Variants in ESRRG observed in about 807,000 individuals in gnomAD.
ESRRG encodes estrogen-related receptor gamma.
A neutral mutation model predicts 44.0 loss-of-function variants in ESRRG; 13 were observed. That is an observed-to-expected ratio of 0.30 (90% CI 0.19 to 0.47). The LOEUF is 0.47. ESRRG is among the 20% of genes least tolerant of loss of function. The pLI is 1.00. For missense variants in ESRRG, 395 were observed against 580.6 expected, an observed-to-expected ratio of 0.68 and a Z score of 3.29; for synonymous variants, 215 against 214.6, an observed-to-expected ratio of 1.00 and a Z score of -0.02.
intron 3 of ESRRG, among the ~76,000 whole-genome samples, chr1:216,650,363 G>C (rs6700565): frequency 6.6e-6 from 1 of 152,054 alleles, no homozygotes; most frequent in South Asian, 2.1e-4. Context: ...TAGTTGAGTG[G>C]CATCTAGAAT....
intron 2 of ESRRG, among the ~76,000 whole-genome samples, chr1:216,907,178 A>T (rs1302387561): frequency 2.0e-5 from 3 of 152,070 alleles, no homozygotes; most frequent in African/African-American, 7.2e-5. Flanking sequence ...GCTGTTACTG[A>T]CTCTGGGAAA....
chr1:216,588,438 A>C (rs1350269005), intron 3 of ESRRG, among the ~76,000 whole-genome samples: 1 of 152,216 alleles, frequency 6.6e-6, no homozygotes, highest in East Asian at 1.9e-4. Flanking sequence ...CAAACATAAA[A>C]TAGAAATAAA....
chr1:216,693,213 A>G lies in ESRRG; in HGVS notation c.57-15722T>C, dbSNP rs569857272. 5.5e-4 allele frequency among the ~76,000 whole-genome samples: 84 copies of G among 152,334 alleles called. 1 individual carries two copies. The highest frequency in any genetic ancestry group is 2.0e-3 in the African/African-American group (82 of 41,572). Reference sequence around the variant, plus strand: ...TTTAGGCTCATAATACTATGAGCCTATTTCTATAATTACAGTTAACATCTT... The same window carrying G: ...TTTAGGCTCATAATACTATGAGCCTGTTTCTATAATTACAGTTAACATCTT... On this transcript the variant is annotated intron_variant, in intron 1 of 6. Transcript: ENST00000408911.
intron 1 of ESRRG, among the ~76,000 whole-genome samples, chr1:217,103,873 T>C (rs2092554424): frequency 1.3e-5 from 2 of 151,832 alleles, no homozygotes; most frequent in Admixed American, 1.3e-4. Context: ...GCAAGCAGAC[T>C]CAAGTGGCTG....
At chr1:216,701,213 CTTAACATCCT>C (rs2081331211) in intron 1 of ESRRG, among the ~76,000 whole-genome samples, 1 of 152,136 alleles carries the variant, frequency 6.6e-6, no homozygotes, top group South Asian at 2.1e-4. Flanking sequence ...AATCGCTAGA[CTTAACATCCT>C]TTAAGCAGTA....
chr1:216,743,431 A>G (rs1047391413), intron 2 of ESRRG, among the ~76,000 whole-genome samples: 1 of 152,202 alleles, frequency 6.6e-6, no homozygotes, highest in South Asian at 2.1e-4. Context: ...CATAGAATTC[A>G]GAAAGTCCCT....
chr1:216,657,914 T>C (rs2071050336), intron 2 of ESRRG, among the ~76,000 whole-genome samples: 1 of 152,184 alleles, frequency 6.6e-6, no homozygotes, highest in South Asian at 2.1e-4. Flanking sequence ...CTGACAATCA[T>C]AAATGTAGTA....
At chr1:217,029,308 A>C (rs566899808) in intron 1 of ESRRG, among the ~76,000 whole-genome samples, 54 of 152,298 alleles carry the variant, frequency 3.5e-4, no homozygotes, top group African/African-American at 1.3e-3. Flanking sequence ...AGTCCATGAA[A>C]AATTCCTTTT....
At chr1:216,861,157 T>C (rs1003376349) in intron 2 of ESRRG, among the ~76,000 whole-genome samples, 2 of 147,936 alleles carry the variant, frequency 1.4e-5, no homozygotes, top group African/African-American at 5.0e-5. Context: ...TTAATCCAAA[T>C]GAAAGTAAAA....
At chr1:216,591,463 G>C (rs2057653035) in intron 3 of ESRRG, among the ~76,000 whole-genome samples, 2 of 152,170 alleles carry the variant, frequency 1.3e-5, no homozygotes, top group South Asian at 4.1e-4. Flanking sequence ...TTGAACTGAA[G>C]TACTGGATAC....
chr1:216,615,231 G>C (rs1480925772), intron 3 of ESRRG, among the ~76,000 whole-genome samples: 1 of 152,116 alleles, frequency 6.6e-6, no homozygotes, highest in Non-Finnish European at 1.5e-5. Flanking sequence ...CAAACCTTTA[G>C]GCAGGTTAAC....
intron 1 of ESRRG, among the ~76,000 whole-genome samples, chr1:217,104,935 T>C (rs909049535): frequency 6.6e-6 from 1 of 152,190 alleles, no homozygotes; most frequent in Admixed American, 6.5e-5. Flanking sequence ...CACATGACAG[T>C]TCATCTCTAG....
At chr1:216,553,201 C>G (rs1288179752) in intron 5 of ESRRG, among the ~76,000 whole-genome samples, 1 of 152,154 alleles carries the variant, frequency 6.6e-6, no homozygotes, top group Admixed American at 6.5e-5. Context: ...CCCTCTGCAG[C>G]CCAGGCCACC....
chr1:216,743,241 C>G (rs975500268), intron 2 of ESRRG, among the ~76,000 whole-genome samples: 1 of 152,086 alleles, frequency 6.6e-6, no homozygotes, highest in African/African-American at 2.4e-5. Context: ...CTGAGAAAAG[C>G]CATTGAGTAG....
At position 216,506,934 on chromosome 1, in the gene ESRRG, T is replaced by C. The variant is rs773645638; in HGVS notation, c.*5A>G. ...GAAGGATGGGAAGGCCCAGGGAGCT[T>C]TTAGTCAGACCTTGGCCTCCAACAT... On this transcript the variant is annotated 3_prime_UTR_variant, in exon 7 of 7. Coordinates refer to ENST00000408911, the MANE Select transcript of ESRRG (RefSeq NM_001438.4). The C allele has an allele frequency of 6.2e-7, 1 of 1,612,722 alleles. No homozygotes were observed. The highest frequency in any genetic ancestry group is 8.5e-7 in the Non-Finnish European group (1 of 1,179,208).
At chr1:216,522,625 A>T (rs986542637) in intron 5 of ESRRG, among the ~76,000 whole-genome samples, 1 of 152,126 alleles carries the variant, frequency 6.6e-6, no homozygotes, top group Non-Finnish European at 1.5e-5. Flanking sequence ...GACCAAATAC[A>T]TAATAGAAAT....
chr1:216,646,340 T>C (rs923860242), intron 3 of ESRRG, among the ~76,000 whole-genome samples: 6 of 152,196 alleles, frequency 3.9e-5, no homozygotes, highest in African/African-American at 7.2e-5. Flanking sequence ...TGGGTTGGTC[T>C]AGCAAGTCAA....
At chr1:217,069,946 C>G (rs148552188) in intron 1 of ESRRG, among the ~76,000 whole-genome samples, 59 of 152,260 alleles carry the variant, frequency 3.9e-4, no homozygotes, top group Middle Eastern at 6.8e-3. Flanking sequence ...ATAGCAAAAC[C>G]TACAAAAAAT....
intron 1 of ESRRG, among the ~76,000 whole-genome samples, chr1:217,023,089 T>C (rs2080616053): frequency 1.3e-5 from 2 of 152,282 alleles, no homozygotes; most frequent in South Asian, 4.1e-4. Context: ...CCAAGATCCA[T>C]TCACAATGGA....
Sources: gnomAD v4.1 joint callset for allele counts (sites outside exome capture counted in the v4.1 genomes callset) on GRCh38, gnomAD v4.1.1 for gene constraint, MANE v1.5 for transcripts, NCBI Gene and HGNC (gene_info 2026-07-23, HGNC 2026-07-21) for gene names.